Variants in SOX5 observed in about 807,000 individuals in gnomAD.
SOX5 encodes the protein SRY-box transcription factor 5.
In SOX5, 9 loss-of-function variants were observed where a neutral mutation model predicts 92.0. The observed-to-expected ratio is 0.10, with a 90% confidence interval of 0.06 to 0.17. The LOEUF is 0.17. SOX5 is among the 10% of genes least tolerant of loss of function. The pLI is 1.00. For missense variants in SOX5, 642 were observed against 944.5 expected (o/e 0.68, Z 4.20); for synonymous variants, 344 against 336.3 (o/e 1.02, Z -0.25).
intron 1 of SOX5, among the ~76,000 whole-genome samples, chr12:24,404,116 T>G (rs1011258305): frequency 6.6e-6 from 1 of 152,238 alleles, no homozygotes; most frequent in Non-Finnish European, 1.5e-5. Flanking sequence ...CTTTTTTAGC[T>G]AAGCTATCAT....
chr12:24,121,801 G>C (rs1000094116), intron 4 of SOX5, among the ~76,000 whole-genome samples: 1 of 146,240 alleles, frequency 6.8e-6, no homozygotes, highest in Non-Finnish European at 1.5e-5. Context: ...CAGGAGAATC[G>C]CTTGAACCTG....
At chr12:24,336,126 G>A (rs1448377776) in intron 2 of SOX5, among the ~76,000 whole-genome samples, 2 of 150,528 alleles carry the variant, frequency 1.3e-5, no homozygotes, top group African/African-American at 2.4e-5. Context: ...ACAGAGTCTC[G>A]CTCTGTCACC....
At chr12:24,444,362 A>T (rs542136438) in intron 1 of SOX5, among the ~76,000 whole-genome samples, 1 of 152,264 alleles carries the variant, frequency 6.6e-6, no homozygotes, top group African/African-American at 2.4e-5. Context: ...GAAGAAGCAG[A>T]TAATCAGAAT....
At chr12:23,839,633 T>C (rs2096486850) in intron 3 of SOX5, among the ~76,000 whole-genome samples, 1 of 152,136 alleles carries the variant, frequency 6.6e-6, no homozygotes, top group Non-Finnish European at 1.5e-5. Flanking sequence ...AAAATAACTA[T>C]AAATCATAAC....
rs563964490 is a variant in SOX5, at chr12:23,792,123, G to A, written c.482-36399C>T. On this transcript the variant is annotated intron_variant, in intron 3 of 14. Coordinates refer to ENST00000451604, the MANE Select transcript of SOX5 (RefSeq NM_006940.6). Reference sequence around the variant, plus strand: ...AGAAAGTTATTTGCAGGTGTCAAACGTGTACACAACTATATAGAAAAACTT... The same window carrying A: ...AGAAAGTTATTTGCAGGTGTCAAACATGTACACAACTATATAGAAAAACTT... Among the ~76,000 whole-genome samples, 50 of 151,964 alleles carry A rather than the reference G, an allele frequency of 3.3e-4. 1 individual carries two copies. Among genetic ancestry groups the A allele is most frequent in the Admixed American group, 2.6e-3 (39 of 15,244 alleles).
At chr12:23,906,317 A>T (rs1404887109) in intron 1 of SOX5, among the ~76,000 whole-genome samples, 1 of 152,210 alleles carries the variant, frequency 6.6e-6, no homozygotes, top group Admixed American at 6.5e-5. Context: ...ATAGTTAGAG[A>T]ATGTATACTT....
chr12:23,963,869 G>T (rs1483370724), intron 4 of SOX5, among the ~76,000 whole-genome samples: 4 of 151,342 alleles, frequency 2.6e-5, no homozygotes, highest in Admixed American at 2.6e-4. Flanking sequence ...AAATAAACCA[G>T]GCTGCTAATA....
chr12:23,854,026 T>C (rs557769114), intron 2 of SOX5, among the ~76,000 whole-genome samples: 1 of 152,262 alleles, frequency 6.6e-6, no homozygotes, highest in South Asian at 2.1e-4. Flanking sequence ...ACCTTTTTAT[T>C]GTCGTTTTTA....
chr12:23,948,098 T>C (rs1944914575), intron 1 of SOX5, among the ~76,000 whole-genome samples: 1 of 152,036 alleles, frequency 6.6e-6, no homozygotes, highest in Admixed American at 6.6e-5. Flanking sequence ...TATAAGGCTA[T>C]ATTTGCAAAT....
upstream of SOX5, chr12:23,950,826 C>T (rs1487099979): frequency 8.5e-6 from 13 of 1,523,992 alleles, no homozygotes; most frequent in African/African-American, 2.7e-5. Flanking sequence ...ACCTTTGACA[C>T]GAAATGACAG....
chr12:23,986,558 T>C (rs7308480), intron 4 of SOX5, among the ~76,000 whole-genome samples: 12 of 152,184 alleles, frequency 7.9e-5, no homozygotes, highest in Non-Finnish European at 1.6e-4. Context: ...CTTTCATCAG[T>C]TGGGTAATTT....
intron 3 of SOX5, among the ~76,000 whole-genome samples, chr12:23,797,790 TGCGCTA>T (rs2095591574): frequency 6.6e-6 from 1 of 152,100 alleles, no homozygotes; most frequent in African/African-American, 2.4e-5. Context: ...GATAAAGCTA[TGCGCTA>T]GCCTTCGATA....
intron 4 of SOX5, among the ~76,000 whole-genome samples, chr12:24,202,626 A>G (rs1242653936): frequency 2.0e-5 from 3 of 152,032 alleles, no homozygotes; most frequent in Non-Finnish European, 4.4e-5. Flanking sequence ...CAGTTCTTCA[A>G]TCTTTCTTTG....
intron 1 of SOX5, among the ~76,000 whole-genome samples, chr12:24,501,730 G>A (rs1393538467): frequency 6.6e-6 from 1 of 152,108 alleles, no homozygotes; most frequent in Non-Finnish European, 1.5e-5. Context: ...GGAGGACTGA[G>A]GTGGAAGGAT....
At chr12:24,337,800 A>T (rs942734850) in intron 2 of SOX5, among the ~76,000 whole-genome samples, 8 of 152,208 alleles carry the variant, frequency 5.3e-5, no homozygotes, top group Admixed American at 1.3e-4. Flanking sequence ...AGGCACTGAA[A>T]CGTTTTCAAT....
chr12:24,344,155 T>C (rs574729078), intron 2 of SOX5, among the ~76,000 whole-genome samples: 91 of 151,902 alleles, frequency 6.0e-4, no homozygotes, highest in African/African-American at 2.0e-3. Context: ...TGGTGGGACA[T>C]GCCTCTAATC....
intron 4 of SOX5, among the ~76,000 whole-genome samples, chr12:24,116,655 T>G (rs1948036218): frequency 6.6e-6 from 1 of 152,134 alleles, no homozygotes; most frequent in African/African-American, 2.4e-5. Context: ...CTTCTGAATT[T>G]TATTCATGCA....
intron 8 of SOX5, among the ~76,000 whole-genome samples, chr12:23,613,740 C>T (rs2076232455): frequency 1.3e-5 from 2 of 152,136 alleles, no homozygotes; most frequent in Non-Finnish European, 2.9e-5. Context: ...AGGTATTATG[C>T]TATGCTAAGC....
At chr12:24,282,371 T>C (rs1309570275) in intron 2 of SOX5, among the ~76,000 whole-genome samples, 1 of 149,682 alleles carries the variant, frequency 6.7e-6, no homozygotes, top group East Asian at 2.0e-4. Flanking sequence ...AATAAATCAA[T>C]AAATAAAAAT....
Sources: gnomAD v4.1 joint callset for allele counts (sites outside exome capture counted in the v4.1 genomes callset) on GRCh38, gnomAD v4.1.1 for gene constraint, MANE v1.5 for transcripts, NCBI Gene and HGNC (gene_info 2026-07-23, HGNC 2026-07-21) for gene names.